Variants in BBOX1 observed in about 807,000 individuals in gnomAD.
BBOX1 encodes gamma-butyrobetaine dioxygenase.
A neutral mutation model predicts 41.6 loss-of-function variants in BBOX1; 35 were observed. The ratio of observed to expected loss-of-function variants is 0.84; its 90% CI spans 0.64 to 1.11. BBOX1 has a LOEUF of 1.11. Among genes scored for constraint, BBOX1 ranks in the 50% most tolerant of loss-of-function variants. The probability of loss-of-function intolerance (pLI) is 0.00; values close to 1 mark genes in which losing one functional copy is unlikely to be tolerated. For missense variants in BBOX1, 458 were observed against 460.6 expected (o/e 0.99, Z 0.05); for synonymous variants, 163 against 154.7 (o/e 1.05, Z -0.40).
chr11:27,107,028 C>A (rs1858897064), intron 5 of BBOX1, among the ~76,000 whole-genome samples: 2 of 152,210 alleles, frequency 1.3e-5, no homozygotes, highest in East Asian at 1.9e-4. Flanking sequence ...TAAAGATGTT[C>A]TTTGAAACCA....
intron 2 of BBOX1, among the ~76,000 whole-genome samples, chr11:27,048,546 A>G (rs963731666): frequency 6.6e-6 from 1 of 151,812 alleles, no homozygotes; most frequent in Admixed American, 6.6e-5. Flanking sequence ...AGATAGATAG[A>G]TAGATAGATA....
chr11:27,048,139 T>C (rs1851547370), intron 2 of BBOX1, among the ~76,000 whole-genome samples: 1 of 152,126 alleles, frequency 6.6e-6, no homozygotes, highest in South Asian at 2.1e-4. Flanking sequence ...AGATCTACTC[T>C]TTCAGCAAAT....
intron 4 of BBOX1, among the ~76,000 whole-genome samples, chr11:27,077,957 C>T (rs781084775): frequency 2.6e-5 from 4 of 152,018 alleles, no homozygotes; most frequent in Non-Finnish European, 5.9e-5. Flanking sequence ...TCTCTCGTTC[C>T]CCTTGCTCAT....
At chr11:27,123,810 T>G (rs1334250566) in intron 7 of BBOX1, among the ~76,000 whole-genome samples, 1 of 152,164 alleles carries the variant, frequency 6.6e-6, no homozygotes, top group African/African-American at 2.4e-5. Context: ...TTGATTTATG[T>G]GAAAGCATGT....
At chr11:27,054,259 C>G (rs189028826) in intron 2 of BBOX1, among the ~76,000 whole-genome samples, 1 of 139,950 alleles carries the variant, frequency 7.1e-6, no homozygotes, top group East Asian at 2.2e-4. Context: ...ACATGCATTC[C>G]TACTTCCCCT....
chr11:27,101,249 T>C (rs892564360), intron 5 of BBOX1, among the ~76,000 whole-genome samples: 2 of 152,136 alleles, frequency 1.3e-5, no homozygotes, highest in African/African-American at 4.8e-5. Flanking sequence ...TTTATCAAAT[T>C]AAGTAGAATG....
intron 4 of BBOX1, among the ~76,000 whole-genome samples, chr11:27,073,110 C>G (rs1046575971): frequency 6.6e-6 from 1 of 152,052 alleles, no homozygotes; most frequent in Non-Finnish European, 1.5e-5. Flanking sequence ...AAGAAACTAC[C>G]ATCAGAGTGA....
At chr11:27,117,926 G>C (rs957623970) in intron 6 of BBOX1, among the ~76,000 whole-genome samples, 1 of 151,898 alleles carries the variant, frequency 6.6e-6, no homozygotes, top group Admixed American at 6.6e-5. Flanking sequence ...TTTGATTAAG[G>C]AGGAACTTGG....
intron 4 of BBOX1, among the ~76,000 whole-genome samples, chr11:27,067,316 C>T (rs747718341): frequency 3.9e-5 from 6 of 151,950 alleles, no homozygotes; most frequent in South Asian, 2.1e-4. Flanking sequence ...TTAGCGCACC[C>T]GTCACCCAAG....
intron 4 of BBOX1, among the ~76,000 whole-genome samples, chr11:27,092,930 G>A (rs1044134284): frequency 6.6e-6 from 1 of 151,894 alleles, no homozygotes; most frequent in African/African-American, 2.4e-5. Context: ...AACAAATGGG[G>A]CATATTGAAT....
At chr11:27,069,694 A>C (rs1327478110) in intron 4 of BBOX1, among the ~76,000 whole-genome samples, 1 of 151,830 alleles carries the variant, frequency 6.6e-6, no homozygotes, top group Non-Finnish European at 1.5e-5. Flanking sequence ...TTTAACTTTT[A>C]ATTTTTGCTT....
rs201115771 is a variant in BBOX1 at position 27,093,183 on chromosome 11, G to T, written c.350G>T (p.Gly117Val). The T allele has an allele frequency of 2.6e-4, 426 of 1,612,018 alleles. No homozygotes were observed. The highest frequency in any genetic ancestry group is 6.6e-4 in the Middle Eastern group (4 of 6,042). ...CAATTCACAGAATGCCAATACTGGG[G>T]CTCAGAGCTCCAGCTACCCACTTTG... ...ELFFPECQYW[G>V]SELQLPTLDF... Residue 117 changes from glycine (G) to valine (V), a missense_variant, in exon 5 of 9, where the codon GGC becomes GTC. Gly to Val is a moderately radical substitution (Grantham distance 109). Coordinates refer to ENST00000263182, the MANE Select transcript of BBOX1 (RefSeq NM_003986.3).
chr11:27,117,935 G>A (rs1859325624), intron 6 of BBOX1, among the ~76,000 whole-genome samples: 1 of 151,860 alleles, frequency 6.6e-6, no homozygotes, highest in South Asian at 2.1e-4. Flanking sequence ...GGAGGAACTT[G>A]GACTTGAACC....
chr11:27,097,099 T>A (rs2134052216), intron 5 of BBOX1, among the ~76,000 whole-genome samples: 1 of 152,122 alleles, frequency 6.6e-6, no homozygotes, highest in South Asian at 2.1e-4. Context: ...GTCAATTTTG[T>A]CAAATACATG....
intron 4 of BBOX1, among the ~76,000 whole-genome samples, chr11:27,061,692 C>T (rs1311229943): frequency 6.6e-6 from 1 of 152,144 alleles, no homozygotes; most frequent in African/African-American, 2.4e-5. Flanking sequence ...AAGATGCAGA[C>T]AATTTTTCCT....
At chr11:27,126,091 G>A (rs564413253) in intron 8 of BBOX1, among the ~76,000 whole-genome samples, 112 of 152,160 alleles carry the variant, frequency 7.4e-4, no homozygotes, top group Admixed American at 1.2e-3. Flanking sequence ...GGCTTTACTA[G>A]TGGAGACAGT....
At chr11:27,076,232 C>T (rs1349776753) in intron 4 of BBOX1, among the ~76,000 whole-genome samples, 3 of 152,292 alleles carry the variant, frequency 2.0e-5, no homozygotes, top group Non-Finnish European at 4.4e-5. Flanking sequence ...CCTCTAGTCT[C>T]CTAGCAGCAG....
At chr11:27,080,612 A>G (rs1857802300) in intron 4 of BBOX1, among the ~76,000 whole-genome samples, 1 of 152,118 alleles carries the variant, frequency 6.6e-6, no homozygotes, top group Non-Finnish European at 1.5e-5. Context: ...AAATATACCT[A>G]TAATACATCA....
intron 5 of BBOX1, among the ~76,000 whole-genome samples, chr11:27,094,588 A>G (rs1858370563): frequency 6.6e-6 from 1 of 152,006 alleles, no homozygotes; most frequent in Admixed American, 6.6e-5. Flanking sequence ...GCCCTTGAAG[A>G]GAGGTAGACT....
Sources: allele counts gnomAD v4.1 joint callset (sites outside exome capture counted in the v4.1 genomes callset), GRCh38; gene constraint gnomAD v4.1.1; transcripts MANE v1.5; gene names NCBI Gene and HGNC (gene_info 2026-07-23, HGNC 2026-07-21).